Variants in ZNF564 observed in about 807,000 individuals in gnomAD.
The protein encoded by ZNF564 is zinc finger protein 564.
Under a neutral mutation model 10.5 loss-of-function variants are expected in ZNF564, and 5 were observed. The observed-to-expected ratio is 0.48, with a 90% CI of 0.25 to 1.00. The LOEUF is 1.00. Ranked by LOEUF, ZNF564 falls within the 50% of genes least tolerant of loss-of-function variation. The pLI, the probability that ZNF564 is intolerant of heterozygous loss-of-function variation, is 0.16. For synonymous variants in ZNF564, 242 were observed against 218.1 expected (o/e 1.11, Z -0.97); for missense variants, 603 against 669.7 (o/e 0.90, Z 1.10).
At position 12,527,782 on chromosome 19, in the gene ZNF564, C is replaced by T. The variant is rs772508832; in HGVS notation, c.326G>A (p.Gly109Glu). Residue 109 changes from glycine to glutamate, a missense_variant, in exon 4 of 4, where the codon GGG (glycine) becomes GAG (glutamate). Coordinates refer to ENST00000339282, the MANE Select transcript of ZNF564 (RefSeq NM_144976.4). Reference sequence around the variant, plus strand: ...GGATGAATGATGCATGAAGACTTTCCCACACAAACTACATTCACATGGTCT... The same window carrying T: ...GGATGAATGATGCATGAAGACTTTCTCACACAAACTACATTCACATGGTCT... ...IVRPCECSLC[G>E]KVFMHHSSLS... is the part of the protein sequence containing the mutation. 6.2e-7 allele frequency: 1 copy of T among 1,613,986 alleles called. No homozygotes were observed. Among genetic ancestry groups the T allele is most frequent in the Non-Finnish European group, 8.5e-7 (1 of 1,180,014 alleles).
intron 1 of ZNF564, chr19:12,548,670 A>G: frequency 1.6e-6 from 1 of 622,820 alleles, no homozygotes; most frequent in Admixed American, 2.6e-5. Context: ...TTAAACATGA[A>G]AAGCACATTT....
Position 12,526,959 on chromosome 19 carries a change from G to A in ZNF564, c.1149C>T (p.His383=), listed in dbSNP as rs1273440494. The change falls in exon 4 of 4, where the codon CAC becomes CAT. Residue 383 remains histidine, a synonymous_variant. Transcript: ENST00000339282. ...GTCCATCTCCAGTGTGCTTTATCAT[G>A]TGTCTTCGGACACTTGGGAGAGAAA... The part of the protein sequence containing the change: ...AFISLPSVRR[H]MIKHTGDGPY... 3.1e-6 allele frequency: 5 copies of A among 1,612,956 alleles called. No individual in the cohort carries two copies. The Admixed American group carries it at 8.4e-5, about 27-fold the overall frequency.
chr19:12,537,755 A>G (rs1218191731), intron 1 of ZNF564, among the ~76,000 whole-genome samples: 3 of 147,498 alleles, frequency 2.0e-5, no homozygotes, highest in Non-Finnish European at 4.5e-5. Context: ...AAAAAAAAAG[A>G]AAAAAAAGAA....
intron 1 of ZNF564, among the ~76,000 whole-genome samples, chr19:12,532,428 G>A (rs368285998): frequency 3.3e-5 from 5 of 149,852 alleles, no homozygotes; most frequent in South Asian, 2.1e-4. Flanking sequence ...CCAGCTACTC[G>A]GGAGGCTGAG....
chr19:12,535,317 G>A (rs1463889313), intron 1 of ZNF564, among the ~76,000 whole-genome samples: 2 of 151,856 alleles, frequency 1.3e-5, no homozygotes, highest in African/African-American at 2.4e-5. Flanking sequence ...AGGTTGCAGT[G>A]AGCCAAGATC....
intron 1 of ZNF564, among the ~76,000 whole-genome samples, chr19:12,533,351 G>A (rs2021844965): frequency 6.6e-6 from 1 of 152,160 alleles, no homozygotes; most frequent in South Asian, 2.1e-4. Flanking sequence ...AGGGTATGCA[G>A]CAAAAGCAGT....
chr19:12,550,998 C>G (rs1421721178), intron 1 of ZNF564, among the ~76,000 whole-genome samples: 1 of 152,258 alleles, frequency 6.6e-6, no homozygotes, highest in Non-Finnish European at 1.5e-5. Flanking sequence ...GCACGAACCG[C>G]ACACCCGAGA....
At chr19:12,534,426 G>A (rs532592414) in intron 1 of ZNF564, among the ~76,000 whole-genome samples, 12 of 152,258 alleles carry the variant, frequency 7.9e-5, no homozygotes, top group Admixed American at 3.3e-4. Flanking sequence ...ACCAAATGAT[G>A]GCAAAGATGT....
chr19:12,548,790 G>C (rs1249161725), intron 1 of ZNF564: 7 of 702,170 alleles, frequency 1.0e-5, no homozygotes, highest in Non-Finnish European at 1.8e-5. Context: ...CCATCTGATA[G>C]GATTTAGCAT....
intron 1 of ZNF564, among the ~76,000 whole-genome samples, chr19:12,544,222 G>A (rs1430026343): frequency 6.6e-6 from 1 of 152,092 alleles, no homozygotes; most frequent in African/African-American, 2.4e-5. Context: ...AAAGAAATAT[G>A]GGAAATTCTG....
chr19:12,538,420 T>TA (rs2021960751), intron 1 of ZNF564, among the ~76,000 whole-genome samples: 1 of 151,604 alleles, frequency 6.6e-6, no homozygotes, highest in African/African-American at 2.4e-5. Context: ...GGTCAGGAGT[T>TA]AAACACTAGC....
Position 12,551,370 on chromosome 19 carries a change from GCT to G in ZNF564, c.-40_-39del. On this transcript the variant is annotated 5_prime_UTR_variant, in exon 1 of 4. Coordinates refer to ENST00000339282, the MANE Select transcript of ZNF564 (RefSeq NM_144976.4). The stretch of plus-strand genomic sequence containing the variant: ...AGGGTGTCCCGGGGTCCTGCCTACG[GCT>G]CTCTCCGGCCTGTGCAGGTCCCAGC... The G allele has an allele frequency of 1.3e-6, 2 of 1,589,124 alleles. No individual in the cohort carries two copies. The highest frequency in any genetic ancestry group is 1.7e-6 in the Non-Finnish European group (2 of 1,168,714).
At chr19:12,537,526 G>T (rs1296547897) in intron 1 of ZNF564, among the ~76,000 whole-genome samples, 1 of 152,054 alleles carries the variant, frequency 6.6e-6, no homozygotes, top group South Asian at 2.1e-4. Flanking sequence ...ATCACCTGAG[G>T]TCGGGAGTTC....
At chr19:12,541,675 C>T (rs1310210656) in intron 1 of ZNF564, 1 of 152,038 alleles carries the variant, frequency 6.6e-6, no homozygotes, top group Non-Finnish European at 1.5e-5. Context: ...TTATTTAATT[C>T]CATAAAATTC....
intron 1 of ZNF564, among the ~76,000 whole-genome samples, chr19:12,528,958 A>G (rs984018712): frequency 3.3e-5 from 5 of 152,154 alleles, no homozygotes; most frequent in Non-Finnish European, 7.4e-5. Flanking sequence ...CCGGCTACTC[A>G]GGAGGCTGAG....
At position 12,528,599 on chromosome 19, in the gene ZNF564, C is replaced by T. The variant is rs974008402; in HGVS notation, c.101G>A (p.Arg34Gln). 1.7e-5 allele frequency: 28 copies of T among 1,613,744 alleles called. No homozygotes were observed. Among genetic ancestry groups the T allele is most frequent in the Non-Finnish European group, 2.1e-5 (25 of 1,179,970 alleles). The change falls in exon 2 of 4, where the codon CGG becomes CAG. Residue 34 changes from arginine (R) to glutamine (Q), a missense_variant. Arg to Gln is a conservative substitution (Grantham distance 43). Coordinates refer to ENST00000339282, the MANE Select transcript of ZNF564 (RefSeq NM_144976.4). Reference protein sequence around the residue: ...SQKKLYRDVMRETFRNLACVG... With the variant: ...SQKKLYRDVMQETFRNLACVG... ...ACAGGCCAGGTTTCTAAAGGTTTCC[C>T]GCATCACATCTCTGTAGAGTTTCTT...
chr19:12,547,257 T>C (rs1568267631), intron 1 of ZNF564, among the ~76,000 whole-genome samples: 1 of 152,126 alleles, frequency 6.6e-6, no homozygotes, highest in Non-Finnish European at 1.5e-5. Flanking sequence ...GGTCTTACTA[T>C]GTGTACAGGT....
At chr19:12,538,143 T>A (rs2021955911) in intron 1 of ZNF564, among the ~76,000 whole-genome samples, 1 of 151,964 alleles carries the variant, frequency 6.6e-6, no homozygotes. Flanking sequence ...ACATTCAACA[T>A]ACGAATATAC....
At chr19:12,549,694 G>A (rs1480566998) in intron 1 of ZNF564, among the ~76,000 whole-genome samples, 1 of 152,104 alleles carries the variant, frequency 6.6e-6, no homozygotes, top group Non-Finnish European at 1.5e-5. Context: ...CTTTTCAGAG[G>A]AAGGGGATAC....
Sources: gnomAD v4.1 joint callset for allele counts (sites outside exome capture counted in the v4.1 genomes callset) on GRCh38, gnomAD v4.1.1 for gene constraint, MANE v1.5 for transcripts, NCBI Gene and HGNC (gene_info 2026-07-23, HGNC 2026-07-21) for gene names.